Variants in CD46 observed in about 807,000 individuals in gnomAD.
CD46 encodes CD46 molecule, also known as membrane cofactor protein.
In CD46, 30 loss-of-function variants were observed where a neutral mutation model predicts 53.3. The observed-to-expected ratio is 0.56, with a 90% CI of 0.42 to 0.76. The LOEUF (loss-of-function observed/expected upper bound fraction) is 0.76. CD46 is among the 30% of genes least tolerant of loss of function. The pLI, the probability that CD46 is intolerant of heterozygous loss-of-function variation, is 0.00. For synonymous variants in CD46, 142 were observed against 152.0 expected (o/e 0.93, Z 0.48); for missense variants, 409 against 463.0 (o/e 0.88, Z 1.07).
intron 5 of CD46, among the ~76,000 whole-genome samples, chr1:207,764,353 A>C (rs1656602697): frequency 6.6e-6 from 1 of 152,218 alleles, no homozygotes; most frequent in Non-Finnish European, 1.5e-5. Context: ...GTCTAGAATG[A>C]AAGAAATCTG....
In CD46 at chr1:207,752,298, A is replaced by G; in HGVS notation, c.86A>G (p.Tyr29Cys). The change falls in exon 1 of 13, where the codon TAC becomes TGC. Residue 29 changes from tyrosine to cysteine, a missense_variant. Coordinates refer to ENST00000367042, the MANE Select transcript of CD46 (RefSeq NM_172351.3). This position sits in a 1 kb window ranked among gnomAD's most constrained non-coding sequence, Gnocchi z 4.1. ...CTGGCGGCCATGGTGTTGCTGCTGTACTCCTTCTCCGGTAGGACCCCGGGG... is the reference window on the plus strand; with the variant it reads ...CTGGCGGCCATGGTGTTGCTGCTGTGCTCCTTCTCCGGTAGGACCCCGGGG... ...LLLAAMVLLL[Y>C]SFSDACEEPP... 1 of 1,613,250 alleles carries G rather than the reference A, an allele frequency of 6.2e-7. No homozygotes were observed. The highest frequency in any genetic ancestry group is 8.5e-7 in the Non-Finnish European group (1 of 1,179,792).
intron 11 of CD46, among the ~76,000 whole-genome samples, chr1:207,788,127 A>C (rs1659438331): frequency 6.6e-6 from 1 of 152,164 alleles, no homozygotes. Context: ...AGATAATTGA[A>C]GTTTTTAAGA....
Position 207,759,665 on chromosome 1 carries a change from T to C in CD46, c.416T>C (p.Leu139Pro). The change falls in exon 4 of 13, where the codon CTA becomes CCA. Residue 139 changes from leucine to proline, a missense_variant. By Grantham distance (98) the Leu-to-Pro change is moderately conservative (BLOSUM62 -3). Coordinates refer to ENST00000367042, the MANE Select transcript of CD46 (RefSeq NM_172351.3). ...EGYYLIGEEI[L>P]YCELKGSVAI... Reference sequence around the variant, plus strand: ...TATTACTTAATTGGTGAAGAAATTCTATATTGTGAACTTAAAGGATCAGTA... The same window carrying C: ...TATTACTTAATTGGTGAAGAAATTCCATATTGTGAACTTAAAGGATCAGTA... 6.3e-7 allele frequency: 1 copy of C among 1,595,760 alleles called. No individual in the cohort carries two copies. The highest frequency in any genetic ancestry group is 8.6e-7 in the Non-Finnish European group (1 of 1,163,566).
intron 9 of CD46, chr1:207,783,754 TTAGAC>T (rs1659011016): frequency 6.5e-6 from 1 of 154,784 alleles, no homozygotes; most frequent in Non-Finnish European, 1.4e-5. Flanking sequence ...CTTTCATTTC[TTAGAC>T]TAGTTTGGTA....
chr1:207,790,219 A>G (rs1321502236), intron 11 of CD46, 34 bp from the exon 12 acceptor site: 7 of 1,120,728 alleles, frequency 6.2e-6, no homozygotes, highest in Non-Finnish European at 9.6e-6. Flanking sequence ...TGAAGTCACT[A>G]TTTTATTCAG....
At chr1:207,757,707 C>A in intron 3 of CD46, 65 bp downstream of exon 3, 1 of 1,022,482 alleles carries the variant, frequency 9.8e-7, no homozygotes, top group Non-Finnish European at 1.5e-6. Flanking sequence ...TGCTTCTCTT[C>A]TTAAGCATTC....
chr1:207,772,972 T>C (rs1192869946), intron 8 of CD46, among the ~76,000 whole-genome samples: 3 of 152,226 alleles, frequency 2.0e-5, no homozygotes, highest in African/African-American at 7.2e-5. Flanking sequence ...TTCAAAGGAA[T>C]GGTACCAGCT....
intron 7 of CD46, chr1:207,768,156 A>C (rs1006951931): frequency 7.3e-6 from 2 of 274,304 alleles, no homozygotes; most frequent in Admixed American, 9.9e-5. Context: ...CACTTAGCAC[A>C]GTGCCTGGTG....
intron 4 of CD46, chr1:207,760,343 C>G (rs1656038900): frequency 6.6e-6 from 1 of 152,458 alleles, no homozygotes; most frequent in South Asian, 2.1e-4. Flanking sequence ...TTGTATTTGG[C>G]CTGTTGTGTT....
chr1:207,757,517 CTA>C (rs1173240615), intron 2 of CD46, 21 bp from the exon 3 acceptor site: 1 of 1,449,994 alleles, frequency 6.9e-7, no homozygotes, highest in South Asian at 1.2e-5. Context: ...GGATTGAAAA[CTA>C]TCAAAATTAT....
At chr1:207,791,066 A>T (rs534218200) in intron 12 of CD46, among the ~76,000 whole-genome samples, 1 of 152,290 alleles carries the variant, frequency 6.6e-6, no homozygotes, top group Non-Finnish European at 1.5e-5. Context: ...GGCCAGCTGG[A>T]AGGACAATTT....
chr1:207,793,579 G>A lies in CD46; in HGVS notation c.*102G>A. ...AGACTAAATCAACCACTCCAGCAGA[G>A]CAGAGAGGCTGAATAGATTCCACAA... On this transcript the variant is annotated 3_prime_UTR_variant, in exon 13 of 13. Transcript: ENST00000367042. 6.2e-7 allele frequency: 1 copy of A among 1,613,854 alleles called. No homozygotes were observed. The highest frequency in any genetic ancestry group is 1.1e-5 in the South Asian group (1 of 91,082).
At chr1:207,774,662 G>T (rs1657897242) in intron 8 of CD46, among the ~76,000 whole-genome samples, 1 of 152,210 alleles carries the variant, frequency 6.6e-6, no homozygotes, top group South Asian at 2.1e-4. Flanking sequence ...GGCTGGATAT[G>T]AGATTCTGGG....
At chr1:207,768,366 G>A (rs184670900) in intron 7 of CD46, 1 of 153,932 alleles carries the variant, frequency 6.5e-6, no homozygotes, top group East Asian at 1.9e-4. Flanking sequence ...CCTTTACTGA[G>A]TTTGTTCCTA....
intron 8 of CD46, among the ~76,000 whole-genome samples, chr1:207,772,899 A>G (rs1411638361): frequency 6.6e-6 from 1 of 152,198 alleles, no homozygotes; most frequent in Non-Finnish European, 1.5e-5. Flanking sequence ...TGGTATCAGG[A>G]TGATGCTAGC....
At chr1:207,780,278 T>C (rs542704712) in intron 8 of CD46, among the ~76,000 whole-genome samples, 2 of 152,274 alleles carry the variant, frequency 1.3e-5, no homozygotes, top group East Asian at 3.9e-4. Context: ...AGTCCACTTA[T>C]ATGGCATCCC....
intron 12 of CD46, among the ~76,000 whole-genome samples, chr1:207,792,048 C>T (rs965108107): frequency 6.6e-6 from 1 of 151,986 alleles, no homozygotes; most frequent in Non-Finnish European, 1.5e-5. Flanking sequence ...TTTGGGAGGC[C>T]GAGGCGGGCG....
intron 12 of CD46, among the ~76,000 whole-genome samples, chr1:207,792,953 A>G (rs1306648677): frequency 3.3e-5 from 5 of 152,238 alleles, no homozygotes; most frequent in African/African-American, 1.2e-4. Flanking sequence ...AAAATTTTAA[A>G]TTACATGTAT....
At chr1:207,793,235 C>A (rs1010321010) in intron 12 of CD46, among the ~76,000 whole-genome samples, 3 of 152,120 alleles carry the variant, frequency 2.0e-5, no homozygotes, top group Non-Finnish European at 1.5e-5. Flanking sequence ...TCCCATTGGC[C>A]CTACATCAAA....
Sources: allele counts gnomAD v4.1 joint callset (sites outside exome capture counted in the v4.1 genomes callset), GRCh38; gene constraint gnomAD v4.1.1; non-coding constraint Gnocchi (gnomAD v3.1); transcripts MANE v1.5; gene names NCBI Gene and HGNC (gene_info 2026-07-23, HGNC 2026-07-21).